PEG3: variants seen among roughly 807,000 people sequenced by gnomAD.
PEG3 encodes paternally-expressed gene 3 protein.
In PEG3, 23 loss-of-function variants were observed where a neutral mutation model predicts 35.5. The ratio of observed to expected loss-of-function variants is 0.65; its 90% CI spans 0.47 to 0.92. The LOEUF (loss-of-function observed/expected upper bound fraction) is 0.92, where lower values mean the gene tolerates loss of function less well. Among genes scored for constraint, PEG3 ranks in the 40% least tolerant of loss-of-function variants. The pLI is 0.00. For synonymous variants in PEG3, 707 were observed against 697.0 expected, an observed-to-expected ratio of 1.01 and a Z score of -0.23; for missense variants, 1,960 against 1,985.3, an observed-to-expected ratio of 0.99 and a Z score of 0.24.
In PEG3 at chr19:56,814,685, G is replaced by C. The variant is rs747549781; in HGVS notation, c.3757C>G (p.Leu1253Val). Residue 1253 changes from leucine (L) to valine (V), a missense_variant, in exon 10 of 10, where the codon CTG becomes GTG. By Grantham distance (32) the Leu-to-Val change is conservative. Coordinates refer to ENST00000326441, the MANE Select transcript of PEG3 (RefSeq NM_006210.3). The surrounding 1 kb of genome is among the most constrained non-coding windows in gnomAD (Gnocchi z 5.8). ...HMRLHREDDLLEQSQMAEEAI... is the reference protein window; with the variant it reads ...HMRLHREDDLVEQSQMAEEAI... ...TCCTCAGCCATCTGGCTCTGCTCCAGTAAATCATCTTCCCTATGAAGTCTC... is the reference window on the plus strand; with the variant it reads ...TCCTCAGCCATCTGGCTCTGCTCCACTAAATCATCTTCCCTATGAAGTCTC... 6.2e-7 allele frequency: 1 copy of C among 1,614,064 alleles called. No homozygotes were observed. Among genetic ancestry groups the C allele is most frequent in the Non-Finnish European group, 8.5e-7 (1 of 1,179,986 alleles).
chr19:56,831,342 G>A (rs571727996), intron 2 of PEG3, among the ~76,000 whole-genome samples: 2 of 152,240 alleles, frequency 1.3e-5, no homozygotes, highest in East Asian at 1.9e-4. Flanking sequence ...ATATAAACTA[G>A]GAACTTTCTT....
intron 2 of PEG3, chr19:56,833,353 G>A (rs1046317796): frequency 2.2e-5 from 8 of 367,550 alleles, no homozygotes; most frequent in African/African-American, 4.3e-5. Context: ...TACTCTCTTC[G>A]TCTCCCAGGG....
Position 56,816,845 on chromosome 19 carries a change from C to T in PEG3, c.1597G>A (p.Val533Met). The T allele has an allele frequency of 6.2e-7, 1 of 1,614,124 alleles. No individual in the cohort carries two copies. Among genetic ancestry groups the T allele is most frequent in the Non-Finnish European group, 8.5e-7 (1 of 1,180,004 alleles). ...TCACATTCCTGATTCTTACATTCCA[C>T]AAGATAACCTCTAGCATGAATCTTC... ...HRKIHARGYL[V>M]ECKNQECEEA... The change falls in exon 10 of 10, where the codon GTG (valine) becomes ATG (methionine). Residue 533 changes from valine to methionine, a missense_variant. Physicochemically the swap from Val to Met is conservative, Grantham distance 21 (BLOSUM62 1). Around this residue, in one of 5 missense-constraint regions of PEG3, gnomAD observed 798 missense variants for 782.4 expected, o/e 1.02. Coordinates refer to ENST00000326441, the MANE Select transcript of PEG3 (RefSeq NM_006210.3).
chr19:56,821,699 C>G lies in PEG3; in HGVS notation c.621G>C (p.Met207Ile). Reference sequence around the variant, plus strand: ...TGGAGTCCCTGTCGTCCTCTCTGTCCATTTCAAAGCTTGTTTTCGCCACCA... The same window carrying G: ...TGGAGTCCCTGTCGTCCTCTCTGTCGATTTCAAAGCTTGTTTTCGCCACCA... ...LPVVAKTSFE[M>I]DREDDRDSRA... The change falls in exon 7 of 10, where the codon ATG becomes ATC. Residue 207 changes from methionine to isoleucine, a missense_variant. Around this residue, in one of 5 missense-constraint regions of PEG3, gnomAD observed 613 missense variants for 577.1 expected, o/e 1.06. Coordinates refer to ENST00000326441, the MANE Select transcript of PEG3 (RefSeq NM_006210.3). The G allele has an allele frequency of 2.5e-6, 4 of 1,614,040 alleles. No individual in the cohort carries two copies. The highest frequency in any genetic ancestry group is 3.4e-6 in the Non-Finnish European group (4 of 1,180,016).
chr19:56,824,213 G>C lies in PEG3; in HGVS notation c.394+49C>G, dbSNP rs374831755. 2,074 of 1,584,212 alleles carry C rather than the reference G, an allele frequency of 1.3e-3. 3 individuals carry two copies. Among genetic ancestry groups the C allele is most frequent in the Non-Finnish European group, 1.7e-3 (1,987 of 1,164,114 alleles). On this transcript the variant is annotated intron_variant, in intron 4 of 9. Transcript: ENST00000326441. ...AAGTGTGGAGGCTGAGAGCCCCAGG[G>C]GACACCTGAGGCCTGCACTGACCAC...
chr19:56,816,251 A>C lies in PEG3; in HGVS notation c.2191T>G (p.Ser731Ala). ...CTTGTTATAGTATGACTCTTCTGAG[A>C]TTCAGTGAATGGCCCACTATGAATG... ...SVIHSGPFTE[S>A]QKSHTITRPL... The change falls in exon 10 of 10, where the codon TCT becomes GCT. Residue 731 changes from serine (S) to alanine (A), a missense_variant. Physicochemically the swap from Ser to Ala is moderately conservative, Grantham distance 99. This residue lies in a region of PEG3 where 798 missense variants were observed against 782.4 expected (regional missense o/e 1.02). Coordinates refer to ENST00000326441, the MANE Select transcript of PEG3 (RefSeq NM_006210.3). The C allele has an allele frequency of 6.2e-7, 1 of 1,614,096 alleles. No individual in the cohort carries two copies. Among genetic ancestry groups the C allele is most frequent in the South Asian group, 1.1e-5 (1 of 91,078 alleles).
chr19:56,812,855 T>C lies in PEG3; in HGVS notation c.*820A>G. ...AAACCCAGAACACAAATGTGTAATA[T>C]TTTTGCATGAGAACCACTTCAACAA... On this transcript the variant is annotated 3_prime_UTR_variant, in exon 10 of 10. Transcript: ENST00000326441. The C allele has an allele frequency of 1.0e-6, 1 of 983,582 alleles. No homozygotes were observed. The highest frequency in any genetic ancestry group is 1.2e-6 in the Non-Finnish European group (1 of 829,494). The allele number at this position is 983,582 out of a possible 1,614,324, so 60.9% of individuals were successfully genotyped here.
At chr19:56,820,221 G>A (rs1371783144) in intron 7 of PEG3, among the ~76,000 whole-genome samples, 1 of 152,202 alleles carries the variant, frequency 6.6e-6, no homozygotes, top group Non-Finnish European at 1.5e-5. Flanking sequence ...TTCACAACAT[G>A]ATCTATACAT....
rs796319011 is a variant in PEG3 at position 56,810,476 on chromosome 19, C to A, written c.*3199G>T. 2.1e-5 allele frequency: 21 copies of A among 984,974 alleles called. 1 individual carries two copies. The African/African-American group carries it at 3.1e-4, about 15-fold the overall frequency. 61.0% of individuals were successfully genotyped at this position (984,974 alleles called of 1,614,324 possible). ...ACACCCTAATAATCACAGACTAGTG[C>A]ACAGATCAAGATGTTAACAGTTAAT... On this transcript the variant is annotated 3_prime_UTR_variant, in exon 10 of 10. Transcript: ENST00000326441.
rs1386359076 is a variant in PEG3 at position 56,839,799 on chromosome 19, C to G, written c.-250+783G>C. On this transcript the variant is annotated intron_variant, in intron 1 of 9. Coordinates refer to ENST00000326441, the MANE Select transcript of PEG3 (RefSeq NM_006210.3). ...GCCTGCGCGGCAAACCTCAGCCACC[C>G]TCATAAAAGATGGCACCCAGTGGGT... 2.0e-5 allele frequency among the ~76,000 whole-genome samples: 3 copies of G among 152,260 alleles called. No homozygotes were observed. The East Asian group carries it at 5.8e-4, about 30-fold the overall frequency.
In PEG3 at chr19:56,817,799, G is replaced by T. The variant is rs148655323; in HGVS notation, c.809C>A (p.Thr270Lys). ...CTTGGATCTTGATGAGTGGCCCTGC[G>T]TCATGTGGGAGTGGCCATCGTCTTC... is the stretch of plus-strand genomic sequence containing the variant. Reference protein sequence around the residue: ...LAEDDGHSHMTQGHSSRSKRS... With the variant: ...LAEDDGHSHMKQGHSSRSKRS... The change falls in exon 9 of 10, where the codon ACG (threonine) becomes AAG (lysine). Residue 270 changes from threonine to lysine, a missense_variant. This residue lies in a region of PEG3 where 613 missense variants were observed against 577.1 expected (regional missense o/e 1.06). Transcript: ENST00000326441. 6.2e-7 allele frequency: 1 copy of T among 1,613,956 alleles called. No individual in the cohort carries two copies. Among genetic ancestry groups the T allele is most frequent in the African/African-American group, 1.3e-5 (1 of 74,900 alleles).
Position 56,810,593 on chromosome 19 carries a change from A to G in PEG3, c.*3082T>C, listed in dbSNP as rs2048066589. ...GTATTATATTTGTAATGGAAAATAC[A>G]TACATAAAATTTATTACCAAAACAC... On this transcript the variant is annotated 3_prime_UTR_variant, in exon 10 of 10. Coordinates refer to ENST00000326441, the MANE Select transcript of PEG3 (RefSeq NM_006210.3). 1.1e-6 allele frequency: 1 copy of G among 930,750 alleles called. No individual in the cohort carries two copies. Among genetic ancestry groups the G allele is most frequent in the African/African-American group, 1.8e-5 (1 of 56,272 alleles). The allele number at this position is 930,750 out of a possible 1,614,324, so 57.7% of individuals were successfully genotyped here.
intron 1 of PEG3, among the ~76,000 whole-genome samples, chr19:56,839,182 C>T (rs1211154073): frequency 6.6e-6 from 1 of 152,168 alleles, no homozygotes; most frequent in African/African-American, 2.4e-5. Context: ...CAATGCCACC[C>T]TGTCACTTCA....
chr19:56,837,422 C>A (rs2062276972), intron 1 of PEG3, among the ~76,000 whole-genome samples: 1 of 152,234 alleles, frequency 6.6e-6, no homozygotes, highest in Non-Finnish European at 1.5e-5. Flanking sequence ...ACACCCACAG[C>A]CCACTTCCTC....
intron 4 of PEG3, 115 bp downstream of exon 4, chr19:56,824,147 G>A (rs750688117): frequency 9.9e-5 from 147 of 1,487,524 alleles, no homozygotes; most frequent in Non-Finnish European, 1.2e-4. Flanking sequence ...CATCCCCACC[G>A]CTGCCCAGGA....
rs1451262934 is a variant in PEG3, at chr19:56,815,192, T to A, written c.3250A>T (p.Ile1084Phe). The A allele has an allele frequency of 1.2e-6, 2 of 1,613,952 alleles. No individual in the cohort carries two copies. Among genetic ancestry groups the A allele is most frequent in the South Asian group, 1.1e-5 (1 of 91,072 alleles). Residue 1084 changes from isoleucine (I) to phenylalanine (F), a missense_variant, in exon 10 of 10, where the codon ATT becomes TTT. Physicochemically the swap from Ile to Phe is conservative, Grantham distance 21. Coordinates refer to ENST00000326441, the MANE Select transcript of PEG3 (RefSeq NM_006210.3). ...HSEETHGQETIEDPVIQGSDM... is the reference protein window; with the variant it reads ...HSEETHGQETFEDPVIQGSDM... Reference sequence around the variant, plus strand: ...GAGCCTTGAATGACAGGGTCTTCAATTGTCTCCTGACCATGGGTCTCCTCG... The same window carrying A: ...GAGCCTTGAATGACAGGGTCTTCAAATGTCTCCTGACCATGGGTCTCCTCG...
intron 7 of PEG3, among the ~76,000 whole-genome samples, 165 bp from the exon 8 acceptor site, chr19:56,818,867 C>T (rs1004732115): frequency 6.6e-6 from 1 of 152,222 alleles, no homozygotes; most frequent in Admixed American, 6.5e-5. Flanking sequence ...GGACCTACGT[C>T]GTACCTACCT....
chr19:56,820,049 G>A (rs934166772), intron 7 of PEG3, among the ~76,000 whole-genome samples: 4 of 152,202 alleles, frequency 2.6e-5, no homozygotes, highest in Admixed American at 6.5e-5. Flanking sequence ...GAAAAAGCAC[G>A]CTTTGATTGA....
intron 1 of PEG3, among the ~76,000 whole-genome samples, chr19:56,838,483 G>C (rs2062474727): frequency 6.6e-6 from 1 of 152,180 alleles, no homozygotes; most frequent in African/African-American, 2.4e-5. Flanking sequence ...CGCCAGCAGG[G>C]CGCCTGCACA....
Sources: allele counts gnomAD v4.1 joint callset (sites outside exome capture counted in the v4.1 genomes callset), GRCh38; gene constraint gnomAD v4.1.1; regional missense constraint gnomAD v4.1.1; non-coding constraint Gnocchi (gnomAD v3.1); transcripts MANE v1.5; gene names NCBI Gene and HGNC (gene_info 2026-07-23, HGNC 2026-07-21).